Variants in ROBO1 observed in about 807,000 individuals in gnomAD.
ROBO1 encodes roundabout homolog 1.
A neutral mutation model predicts 195.9 loss-of-function variants in ROBO1; 149 were observed. The ratio of observed to expected loss-of-function variants is 0.76; its 90% CI spans 0.67 to 0.87. The LOEUF (loss-of-function observed/expected upper bound fraction) is 0.87. ROBO1 is among the 40% of genes least tolerant of loss of function. The pLI is 0.00. For synonymous variants in ROBO1, 816 were observed against 733.2 expected, an observed-to-expected ratio of 1.11 and a Z score of -1.82; for missense variants, 1,933 against 2,068.3, an observed-to-expected ratio of 0.93 and a Z score of 1.27.
chr3:79,529,242 T>G, intron 2 of ROBO1, among the ~76,000 whole-genome samples: 1 of 152,168 alleles, frequency 6.6e-6, no homozygotes, highest in Admixed American at 6.6e-5. Flanking sequence ...CAGCATTTTC[T>G]GAGGCTGAGG....
At chr3:78,881,179 T>C (rs1189704404) in intron 4 of ROBO1, among the ~76,000 whole-genome samples, 1 of 152,146 alleles carries the variant, frequency 6.6e-6, no homozygotes, top group African/African-American at 2.4e-5. Context: ...TTTGTTTCTC[T>C]AATAGTGGGA....
intron 2 of ROBO1, among the ~76,000 whole-genome samples, chr3:79,357,975 A>G (rs1335086789): frequency 6.6e-6 from 1 of 152,100 alleles, no homozygotes; most frequent in Non-Finnish European, 1.5e-5. Context: ...GTCTCTTTCT[A>G]TTCCCAGAAA....
At chr3:79,230,477 T>C (rs1233076512) in intron 2 of ROBO1, among the ~76,000 whole-genome samples, 3 of 152,024 alleles carry the variant, frequency 2.0e-5, no homozygotes, top group African/African-American at 7.2e-5. Context: ...CTTGGTCAAG[T>C]GACTTGCTTT....
At chr3:79,246,215 C>T (rs1390953979) in intron 2 of ROBO1, among the ~76,000 whole-genome samples, 1 of 151,968 alleles carries the variant, frequency 6.6e-6, no homozygotes, top group Non-Finnish European at 1.5e-5. Context: ...TGAATGAATG[C>T]CATTTGGTAT....
chr3:79,276,879 T>C (rs943123121), intron 2 of ROBO1, among the ~76,000 whole-genome samples: 2 of 152,002 alleles, frequency 1.3e-5, no homozygotes, highest in Non-Finnish European at 1.5e-5. Flanking sequence ...CTCAACACAA[T>C]TGATCATCAG....
intron 7 of ROBO1, among the ~76,000 whole-genome samples, chr3:78,715,471 C>T (rs959589271): frequency 2.0e-5 from 3 of 152,118 alleles, no homozygotes; most frequent in Non-Finnish European, 4.4e-5. Flanking sequence ...AAATCGTGTC[C>T]CTGCCACTAG....
chr3:79,575,297 A>T, intron 2 of ROBO1, among the ~76,000 whole-genome samples: 1 of 125,226 alleles, frequency 8.0e-6, no homozygotes, highest in East Asian at 2.1e-4. Context: ...TATATATAAC[A>T]AATATATATA....
chr3:78,765,174 A>G (rs972407013), intron 4 of ROBO1, among the ~76,000 whole-genome samples: 3 of 152,116 alleles, frequency 2.0e-5, no homozygotes, highest in African/African-American at 7.2e-5. Flanking sequence ...CGAAGTTTCT[A>G]TATGCAGATC....
intron 5 of ROBO1, among the ~76,000 whole-genome samples, chr3:78,731,350 C>G (rs993709487): frequency 6.6e-6 from 1 of 152,004 alleles, no homozygotes; most frequent in Non-Finnish European, 1.5e-5. Flanking sequence ...TCCATATAAA[C>G]CGATCTTAAG....
chr3:79,109,047 A>T (rs944617607), intron 3 of ROBO1, among the ~76,000 whole-genome samples: 1 of 151,788 alleles, frequency 6.6e-6, no homozygotes, highest in Non-Finnish European at 1.5e-5. Context: ...AGTTACAGGC[A>T]TTTGTTTGTG....
At position 78,949,390 on chromosome 3, in the gene ROBO1, G is replaced by A. The variant is rs1327335904; in HGVS notation, c.173-10463C>T. On this transcript the variant is annotated intron_variant, in intron 3 of 30. Coordinates refer to ENST00000464233, the MANE Select transcript of ROBO1 (RefSeq NM_002941.4). The stretch of plus-strand genomic sequence containing the variant: ...CAACTATCTGATCTTTGACAAACCT[G>A]ACAAAAACAAGCAATGGGGAAAGGA... Among the ~76,000 whole-genome samples, 34 of 142,502 alleles carry A rather than the reference G, an allele frequency of 2.4e-4. 1 individual carries two copies. Among genetic ancestry groups the A allele is most frequent in the African/African-American group, 8.9e-4 (34 of 38,348 alleles). 93.5% of individuals were successfully genotyped at this position (142,502 alleles called of 152,430 possible). A position where few individuals can be genotyped will look rare whatever the true frequency, so the allele number is the denominator to read the frequency against.
chr3:79,531,097 C>G (rs1327130588), intron 2 of ROBO1, among the ~76,000 whole-genome samples: 1 of 152,096 alleles, frequency 6.6e-6, no homozygotes, highest in South Asian at 2.1e-4. Flanking sequence ...TGGTTGGTAG[C>G]TACTGTTTTT....
intron 3 of ROBO1, among the ~76,000 whole-genome samples, chr3:79,065,778 T>C (rs1434435134): frequency 6.6e-6 from 1 of 151,956 alleles, no homozygotes; most frequent in East Asian, 1.9e-4. Context: ...TAAAAATTAG[T>C]TAGATAAAAG....
chr3:78,768,648 CTTT>C (rs71631617), intron 4 of ROBO1, among the ~76,000 whole-genome samples: 7 of 145,978 alleles, frequency 4.8e-5, no homozygotes, highest in African/African-American at 1.0e-4. Flanking sequence ...GCAGTATGTT[CTTT>C]TTTTTTTTTA....
chr3:79,636,507 A>G lies in ROBO1; in HGVS notation c.-50-46546T>C, dbSNP rs961123096. 4.6e-5 allele frequency among the ~76,000 whole-genome samples: 7 copies of G among 152,240 alleles called. No homozygotes were observed. In the South Asian group the frequency reaches 1.0e-3, roughly 23 times the overall value. Reference sequence around the variant, plus strand: ...ATTGCAATCCCTAGAGGCTGTCACAATGGCCATCGTAACAGCCTGTCATAA... The same window carrying G: ...ATTGCAATCCCTAGAGGCTGTCACAGTGGCCATCGTAACAGCCTGTCATAA... On this transcript the variant is annotated intron_variant, in intron 1 of 30. Transcript: ENST00000464233.
intron 2 of ROBO1, among the ~76,000 whole-genome samples, chr3:79,414,199 T>TTCTC (rs911573952): frequency 2.0e-5 from 3 of 148,284 alleles, no homozygotes; most frequent in African/African-American, 7.4e-5. Context: ...CTCTCTCTCT[T>TTCTC]TCTCTCTCTC....
At chr3:79,493,899 C>T (rs532984091) in intron 2 of ROBO1, among the ~76,000 whole-genome samples, 123 of 152,222 alleles carry the variant, frequency 8.1e-4, no homozygotes, top group African/African-American at 2.8e-3. Flanking sequence ...CAAATTATTA[C>T]TAACTATAGT....
rs750765852 is a variant in ROBO1 at position 78,685,836 on chromosome 3, C to T, written c.1252G>A (p.Val418Ile). ...SQTGDLTITN[V>I]QRSDVGYYIC... ...TAATAACCAACATCAGATCGCTGGA[C>T]ATTAGTAATTGTGAGGTCGCCAGTC... is the stretch of plus-strand genomic sequence containing the variant. The change falls in exon 10 of 31, where the codon GTC becomes ATC. Residue 418 changes from valine (V) to isoleucine (I), a missense_variant. Transcript: ENST00000464233. 2 of 1,611,428 alleles carry T rather than the reference C, an allele frequency of 1.2e-6. No homozygotes were observed. The highest frequency in any genetic ancestry group is 1.1e-5 in the South Asian group (1 of 90,678).
intron 2 of ROBO1, among the ~76,000 whole-genome samples, chr3:79,414,995 C>T (rs2037938445): frequency 6.6e-6 from 1 of 152,174 alleles, no homozygotes; most frequent in South Asian, 2.1e-4. Flanking sequence ...AGTTGTCCCA[C>T]TTGGCTGTGC....
Sources: allele counts gnomAD v4.1 joint callset (sites outside exome capture counted in the v4.1 genomes callset), GRCh38; gene constraint gnomAD v4.1.1; transcripts MANE v1.5; gene names NCBI Gene and HGNC (gene_info 2026-07-23, HGNC 2026-07-21).